Variants in MYO7B observed in about 807,000 individuals in gnomAD.
MYO7B encodes myosin VIIB.
Under a neutral mutation model 259.7 loss-of-function variants are expected in MYO7B, and 212 were observed. The ratio of observed to expected loss-of-function variants is 0.82; its 90% CI spans 0.73 to 0.91. MYO7B has a LOEUF of 0.91. MYO7B is among the 40% of genes least tolerant of loss of function. MYO7B has a pLI of 0.00. For missense variants in MYO7B, 2,732 were observed against 2,813.5 expected (o/e 0.97, Z 0.66); for synonymous variants, 1,197 against 1,166.4 (o/e 1.03, Z -0.54).
At chr2:127,635,011 G>A (rs1681722800) in intron 42 of MYO7B, 109 bp from the exon 43 acceptor site, 2 of 841,868 alleles carry the variant, frequency 2.4e-6, no homozygotes, top group Admixed American at 4.1e-5. Context: ...AAGAAGCGTG[G>A]GGGCTTTCGA....
intron 18 of MYO7B, among the ~76,000 whole-genome samples, chr2:127,594,405 T>C (rs775609691): frequency 6.6e-6 from 1 of 152,204 alleles, no homozygotes; most frequent in African/African-American, 2.4e-5. Context: ...TCCCCCATAG[T>C]GCCTGCCCAC....
rs74372009 is a variant in MYO7B, at chr2:127,623,397, C to T, written c.3819+22C>T. On this transcript the variant is annotated intron_variant, in intron 29 of 47. Coordinates refer to ENST00000409816, the MANE Select transcript of MYO7B (RefSeq NM_001393586.1). ...CAAGGTACCAGCCAGGCACCCTGCC[C>T]GTCAGCCGCCTCCCTCATACACCCA... The T allele has an allele frequency of 2.6e-3, 3,985 of 1,538,448 alleles. 70 individuals carry two copies. The African/African-American group carries it at 0.045, about 17-fold the overall frequency.
intron 9 of MYO7B, 90 bp downstream of exon 9, chr2:127,578,376 A>G (rs1678965754): frequency 6.6e-7 from 1 of 1,506,870 alleles, no homozygotes; most frequent in Non-Finnish European, 9.1e-7. Flanking sequence ...TCTCACAGGA[A>G]GGATCCTGTG....
At chr2:127,592,691 C>T (rs1001637311) in intron 16 of MYO7B, 103 bp from the exon 17 acceptor site, 21 of 1,468,618 alleles carry the variant, frequency 1.4e-5, no homozygotes, top group Non-Finnish European at 1.9e-5. Context: ...GCTGGACACA[C>T]TGACCTCTGG....
intron 1 of MYO7B, among the ~76,000 whole-genome samples, chr2:127,549,516 C>T (rs1573609460): frequency 6.6e-6 from 1 of 152,164 alleles, no homozygotes; most frequent in Non-Finnish European, 1.5e-5. Flanking sequence ...AAGACAAAAT[C>T]TCCAGGTCCT....
chr2:127,536,514 G>A (rs1167691460), intron 1 of MYO7B, among the ~76,000 whole-genome samples: 4 of 151,940 alleles, frequency 2.6e-5, no homozygotes, highest in East Asian at 3.9e-4. Flanking sequence ...GGACCGCACC[G>A]GGGCTCACAT....
intron 30 of MYO7B, among the ~76,000 whole-genome samples, chr2:127,624,674 T>G (rs895914797): frequency 5.3e-5 from 8 of 152,242 alleles, no homozygotes; most frequent in Admixed American, 4.6e-4. Context: ...CTTGGCATTG[T>G]GACCTTGGAA....
intron 28 of MYO7B, among the ~76,000 whole-genome samples, 174 bp downstream of exon 28, chr2:127,622,275 G>A (rs961662430): frequency 1.3e-5 from 2 of 152,026 alleles, no homozygotes; most frequent in Admixed American, 6.5e-5. Flanking sequence ...CCTGGGGCTC[G>A]GCCTCCCCAG....
At chr2:127,593,424 G>T (rs926542888) in intron 17 of MYO7B, 122 bp from the exon 18 acceptor site, 1 of 930,844 alleles carries the variant, frequency 1.1e-6, no homozygotes, top group Non-Finnish European at 1.6e-6. Flanking sequence ...GTGCCTGGGC[G>T]GGGGTGGGCG....
At chr2:127,538,221 G>C (rs1303746015) in intron 1 of MYO7B, among the ~76,000 whole-genome samples, 10 of 152,164 alleles carry the variant, frequency 6.6e-5, no homozygotes, top group Admixed American at 6.5e-4. Flanking sequence ...GGAAGTACCA[G>C]TAAGGCTTGG....
At chr2:127,550,239 C>T (rs375344164) in intron 1 of MYO7B, among the ~76,000 whole-genome samples, 109 of 152,228 alleles carry the variant, frequency 7.2e-4, no homozygotes, top group African/African-American at 2.6e-3. Flanking sequence ...AGACAAAAGT[C>T]ACCAGCCACT....
intron 19 of MYO7B, among the ~76,000 whole-genome samples, chr2:127,599,412 GC>G (rs1341517367): frequency 7.2e-5 from 11 of 152,282 alleles, no homozygotes; most frequent in Admixed American, 5.2e-4. Context: ...GCCTTGCTGA[GC>G]TCACTTTTCA....
intron 16 of MYO7B, among the ~76,000 whole-genome samples, chr2:127,591,147 C>T (rs1207609375): frequency 6.6e-6 from 1 of 152,200 alleles, no homozygotes; most frequent in Non-Finnish European, 1.5e-5. Context: ...TATGATCACA[C>T]CACTGCACTT....
At chr2:127,555,519 G>A (rs1693604585) in intron 1 of MYO7B, among the ~76,000 whole-genome samples, 1 of 152,042 alleles carries the variant, frequency 6.6e-6, no homozygotes, top group African/African-American at 2.4e-5. Flanking sequence ...CAGATTTTTT[G>A]ATGTAGGCAT....
intron 28 of MYO7B, among the ~76,000 whole-genome samples, chr2:127,622,901 A>G (rs1680909637): frequency 6.6e-6 from 1 of 152,242 alleles, no homozygotes; most frequent in Non-Finnish European, 1.5e-5. Context: ...CAGGATTCTC[A>G]TAAAAGCAGC....
intron 26 of MYO7B, among the ~76,000 whole-genome samples, chr2:127,616,962 C>T (rs13413524): frequency 0.16 from 24,452 of 152,172 alleles, 2,030 homozygotes; most frequent in Middle Eastern, 0.25. Context: ...AGAGGTCTGG[C>T]GGTGTTCTTT....
At position 127,609,637 on chromosome 2, in the gene MYO7B, GA is replaced by G; in HGVS notation, c.2949del (p.Lys983AsnfsTer36). On this transcript the variant is annotated frameshift_variant, in exon 23 of 48. Transcript: ENST00000409816. LOFTEE classifies it high-confidence loss of function. This position sits in a 1 kb window ranked among gnomAD's most constrained non-coding sequence, Gnocchi z 6.9. Reference protein sequence around the residue: ...FPKFAVTYFQKSASHTHIRRP... With the variant: ...FPKFAVTYFQXSASHTHIRRP... Reference sequence around the variant, plus strand: ...CCAAGTTTGCTGTGACTTACTTCCAGAAATCAGCCAGCCACACACACATCCG... The same window carrying G: ...CCAAGTTTGCTGTGACTTACTTCCAGAATCAGCCAGCCACACACACATCCG... 7.4e-6 allele frequency: 12 copies of G among 1,613,866 alleles called. No individual in the cohort carries two copies. The highest frequency in any genetic ancestry group is 1.7e-5 in the Admixed American group (1 of 60,004).
At chr2:127,617,794 G>A (rs1353805858) in intron 26 of MYO7B, among the ~76,000 whole-genome samples, 1 of 150,788 alleles carries the variant, frequency 6.6e-6, no homozygotes, top group African/African-American at 2.5e-5. Flanking sequence ...GAGCCACCGC[G>A]CCCGGCCTTG....
intron 11 of MYO7B, 68 bp downstream of exon 11, chr2:127,582,078 G>A (rs761883934): frequency 3.7e-5 from 60 of 1,604,694 alleles, no homozygotes; most frequent in Non-Finnish European, 4.5e-5. Flanking sequence ...TTGCTGTGCC[G>A]GTGGAGGGCA....
Sources: gnomAD v4.1 joint callset for allele counts (sites outside exome capture counted in the v4.1 genomes callset) on GRCh38, gnomAD v4.1.1 for gene constraint, Gnocchi (gnomAD v3.1) non-coding constraint, MANE v1.5 for transcripts, NCBI Gene and HGNC (gene_info 2026-07-23, HGNC 2026-07-21) for gene names.